The following NCOA3 variants were observed in gnomAD, a reference collection of about 807,000 sequenced individuals.
NCOA3 encodes nuclear receptor coactivator 3.
NCOA3 carries 51 observed loss-of-function variants against 158.8 expected under a neutral mutation model. That is an observed-to-expected ratio of 0.32 (90% CI 0.26 to 0.41). The LOEUF (loss-of-function observed/expected upper bound fraction) is 0.41. Among genes scored for constraint, NCOA3 ranks in the 10% least tolerant of loss-of-function variants. NCOA3 has a pLI of 1.00. For missense variants in NCOA3, 1,510 were observed against 1,746.6 expected, an observed-to-expected ratio of 0.86 and a Z score of 2.41; for synonymous variants, 537 against 592.4, an observed-to-expected ratio of 0.91 and a Z score of 1.36.
intron 1 of NCOA3, among the ~76,000 whole-genome samples, chr20:47,516,831 G>A (rs1020115251): frequency 2.6e-5 from 4 of 151,786 alleles, no homozygotes; most frequent in Non-Finnish European, 1.5e-5. Context: ...GGAGGCTGAG[G>A]TGGGAAAATT....
intron 2 of NCOA3, among the ~76,000 whole-genome samples, chr20:47,603,938 C>T (rs1466873975): frequency 5.3e-5 from 8 of 152,332 alleles, no homozygotes; most frequent in Admixed American, 6.5e-5. Context: ...CATTTAGGGT[C>T]ATGGGTTTTC....
chr20:47,571,722 CT>C (rs567317216), intron 1 of NCOA3, among the ~76,000 whole-genome samples: 3 of 150,750 alleles, frequency 2.0e-5, no homozygotes, highest in African/African-American at 2.4e-5. Flanking sequence ...TTCTTTTTTT[CT>C]TTTTTTTTGA....
At chr20:47,532,433 G>A (rs2084562101) in intron 1 of NCOA3, among the ~76,000 whole-genome samples, 1 of 152,096 alleles carries the variant, frequency 6.6e-6, no homozygotes, top group Non-Finnish European at 1.5e-5. Flanking sequence ...CTTGCAGACA[G>A]TTGTAAGGAC....
At chr20:47,615,302 C>T (rs1331556407) in intron 2 of NCOA3, among the ~76,000 whole-genome samples, 2 of 152,190 alleles carry the variant, frequency 1.3e-5, no homozygotes, top group Non-Finnish European at 2.9e-5. Context: ...TTTAGATTTA[C>T]TGGATAACCC....
intron 1 of NCOA3, among the ~76,000 whole-genome samples, chr20:47,511,226 A>G (rs986694491): frequency 5.3e-5 from 8 of 150,484 alleles, no homozygotes; most frequent in Non-Finnish European, 1.0e-4. Flanking sequence ...GAAGAATAAG[A>G]TTTAAACATT....
chr20:47,588,138 T>A, intron 2 of NCOA3, among the ~76,000 whole-genome samples: 1 of 104,954 alleles, frequency 9.5e-6, no homozygotes, highest in East Asian at 2.4e-4. Flanking sequence ...CCACTTTTTT[T>A]TTTTTTTTTT....
At chr20:47,518,390 G>GA (rs1168753001) in intron 1 of NCOA3, among the ~76,000 whole-genome samples, 1 of 146,694 alleles carries the variant, frequency 6.8e-6, no homozygotes, top group East Asian at 2.0e-4. Context: ...AAACATAATT[G>GA]AAAAAAATAA....
chr20:47,621,233 A>T (rs1183154505), intron 2 of NCOA3, among the ~76,000 whole-genome samples: 3 of 151,604 alleles, frequency 2.0e-5, no homozygotes, highest in Non-Finnish European at 4.4e-5. Flanking sequence ...GTGATTTTTT[A>T]AATTTTTATT....
At chr20:47,505,813 T>TC (rs2084023590) in intron 1 of NCOA3, among the ~76,000 whole-genome samples, 1 of 148,874 alleles carries the variant, frequency 6.7e-6, no homozygotes, top group African/African-American at 2.5e-5. Context: ...TTTTTTTTTT[T>TC]TTTTTTGAGA....
chr20:47,547,767 G>C lies in NCOA3; in HGVS notation c.-98-35416G>C, dbSNP rs542986527. On this transcript the variant is annotated intron_variant, in intron 1 of 22. Coordinates refer to ENST00000371998, the MANE Select transcript of NCOA3 (RefSeq NM_181659.3). ...GTGTCGCTCTGTCACCCAGACTGAAGTGCAGTGGCATGATCTCAGCTCACT... is the reference window on the plus strand; with the variant it reads ...GTGTCGCTCTGTCACCCAGACTGAACTGCAGTGGCATGATCTCAGCTCACT... Among the ~76,000 whole-genome samples the C allele has an allele frequency of 8.8e-4, 133 of 151,906 alleles. 1 individual carries two copies. Among genetic ancestry groups the C allele is most frequent in the African/African-American group, 2.9e-3 (119 of 41,422 alleles).
At chr20:47,502,862 G>A (rs1461377846) in intron 1 of NCOA3, among the ~76,000 whole-genome samples, 2 of 152,018 alleles carry the variant, frequency 1.3e-5, no homozygotes, top group Non-Finnish European at 2.9e-5. Flanking sequence ...GGCATCTAGG[G>A]TGGAAAAGTT....
chr20:47,575,765 A>G lies in NCOA3; in HGVS notation c.-98-7418A>G, dbSNP rs1324922173. 5.3e-5 allele frequency among the ~76,000 whole-genome samples: 8 copies of G among 152,342 alleles called. No individual in the cohort carries two copies. In the East Asian group the frequency reaches 9.6e-4, roughly 18 times the overall value. On this transcript the variant is annotated intron_variant, in intron 1 of 22. Transcript: ENST00000371998. ...TGAGTCTGTTAAAATTCAACTACCTATTGTGTCAAAGAGAGAAATATTGCT... is the reference window on the plus strand; with the variant it reads ...TGAGTCTGTTAAAATTCAACTACCTGTTGTGTCAAAGAGAGAAATATTGCT...
In NCOA3 at chr20:47,635,551, A is replaced by T. The variant is rs1173960815; in HGVS notation, c.1342A>T (p.Met448Leu). ...NIASLTPGPG[M>L]QSPSSYQNNN... ...AGCTTCATTGACCCCTGGGCCAGGC[A>T]TGCAATCACCATCTTCCTACCAGAA... Residue 448 changes from methionine (M) to leucine (L), a missense_variant, in exon 11 of 23, where the codon ATG becomes TTG. Transcript: ENST00000371998. 1 of 1,614,020 alleles carries T rather than the reference A, an allele frequency of 6.2e-7. No homozygotes were observed. Among genetic ancestry groups the T allele is most frequent in the African/African-American group, 1.3e-5 (1 of 74,906 alleles).
At chr20:47,639,259 C>G in intron 14 of NCOA3, 57 bp downstream of exon 14, 1 of 1,394,636 alleles carries the variant, frequency 7.2e-7, no homozygotes, top group Non-Finnish European at 1.0e-6. Flanking sequence ...ATTTAAAATA[C>G]TTAAAGCCAT....
chr20:47,589,945 A>ATTTTTTTTATTTTTTTTTTATTTTTTTT (rs1568707770), intron 2 of NCOA3, among the ~76,000 whole-genome samples: 2 of 134,576 alleles, frequency 1.5e-5, no homozygotes, highest in African/African-American at 2.5e-5. Context: ...TTTTAAAAAA[A>ATTTTTTTTATTTTTTTTTTATTTTTTTT]TTTTTTAATT....
intron 2 of NCOA3, among the ~76,000 whole-genome samples, chr20:47,606,607 C>T (rs189045162): frequency 4.6e-5 from 7 of 151,876 alleles, no homozygotes; most frequent in East Asian, 2.0e-4. Flanking sequence ...TTTTAATGTT[C>T]TGTGTGATGA....
chr20:47,627,456 C>G lies in NCOA3; in HGVS notation c.533-105C>G, dbSNP rs2273022. On this transcript the variant is annotated intron_variant, in intron 6 of 22. Transcript: ENST00000371998. ...GCCTGAAATGTTAGTATAGATATAACTATGGAAAACATGCATAATGAGAAA... is the reference window on the plus strand; with the variant it reads ...GCCTGAAATGTTAGTATAGATATAAGTATGGAAAACATGCATAATGAGAAA... 83,017 of 885,576 alleles carry G rather than the reference C, an allele frequency of 0.094. 5,076 individuals carry two copies. The highest frequency in any genetic ancestry group is 0.26 in the African/African-American group (15,461 of 59,234). The allele number at this position is 885,576 out of a possible 1,614,324, so 54.9% of individuals were successfully genotyped here. A position where few individuals can be genotyped will look rare whatever the true frequency, so the allele number is the denominator to read the frequency against.
At chr20:47,535,103 A>G (rs902570373) in intron 1 of NCOA3, among the ~76,000 whole-genome samples, 4 of 150,842 alleles carry the variant, frequency 2.7e-5, no homozygotes, top group East Asian at 2.0e-4. Context: ...GCCAGACTTG[A>G]GTGCAGTAGT....
At chr20:47,581,293 TG>T (rs2085448800) in intron 1 of NCOA3, among the ~76,000 whole-genome samples, 2 of 152,224 alleles carry the variant, frequency 1.3e-5, no homozygotes, top group Admixed American at 6.5e-5. Flanking sequence ...GAGACACTTA[TG>T]CTTCTAAGCA....
Sources: gnomAD v4.1 joint callset for allele counts (sites outside exome capture counted in the v4.1 genomes callset) on GRCh38, gnomAD v4.1.1 for gene constraint, MANE v1.5 for transcripts, NCBI Gene and HGNC (gene_info 2026-07-23, HGNC 2026-07-21) for gene names.